The following IFI44L variants were observed in gnomAD, a reference collection of about 807,000 sequenced individuals.
IFI44L encodes the protein interferon induced protein 44 like.
IFI44L carries 40 observed loss-of-function variants against 39.3 expected under a neutral mutation model. The ratio of observed to expected loss-of-function variants is 1.02; its 90% confidence interval spans 0.79 to 1.33. IFI44L has a LOEUF of 1.33. IFI44L is among the 40% of genes most tolerant of loss of function. IFI44L has a pLI of 0.00. For synonymous variants in IFI44L, 198 were observed against 182.3 expected, an observed-to-expected ratio of 1.09 and a Z score of -0.69; for missense variants, 623 against 549.0, an observed-to-expected ratio of 1.13 and a Z score of -1.35.
chr1:78,643,447 T>A lies in IFI44L; in HGVS notation c.*1638T>A, dbSNP rs1008829343. The A allele has an allele frequency of 6.6e-6, 1 of 152,014 alleles. No individual in the cohort carries two copies. The highest frequency in any genetic ancestry group is 6.6e-5 in the Admixed American group (1 of 15,240). The allele number at this position is 152,014 out of a possible 1,614,324, so 9.4% of individuals were successfully genotyped here. ...TTGCAGTAGAGAAAGAGTTTAATAATTGAATGGCAGAAAAATGAGGAAGGT... is the reference window on the plus strand; with the variant it reads ...TTGCAGTAGAGAAAGAGTTTAATAAATGAATGGCAGAAAAATGAGGAAGGT... On this transcript the variant is annotated 3_prime_UTR_variant, in exon 9 of 9. Coordinates refer to ENST00000370751, the MANE Select transcript of IFI44L (RefSeq NM_006820.4).
intron 1 of IFI44L, among the ~76,000 whole-genome samples, chr1:78,621,214 CTT>C (rs1055655052): frequency 6.6e-6 from 1 of 152,108 alleles, no homozygotes; most frequent in African/African-American, 2.4e-5. Context: ...GAATAGTTTT[CTT>C]TTACTTAAAT....
chr1:78,628,120 T>C lies in IFI44L; in HGVS notation c.205T>C (p.Tyr69His), dbSNP rs1323124678. The C allele has an allele frequency of 6.2e-7, 1 of 1,612,208 alleles. No homozygotes were observed. Among genetic ancestry groups the C allele is most frequent in the Non-Finnish European group, 8.5e-7 (1 of 1,179,206 alleles). Residue 69 changes from tyrosine (Y) to histidine (H), a missense_variant, in exon 2 of 9, where the codon TAT (tyrosine) becomes CAT (histidine). By Grantham distance (83) the Tyr-to-His change is moderately conservative. Coordinates refer to ENST00000370751, the MANE Select transcript of IFI44L (RefSeq NM_006820.4). Reference protein sequence around the residue: ...NMIVAFMLGNYINLHESSTEP... With the variant: ...NMIVAFMLGNHINLHESSTEP... ...GATTGTAGCCTTTATGCTTGGAAAT[T>C]ATATTAATTTACATGAAAGTTCTAC...
rs1375683817 is a variant in IFI44L at position 78,625,672 on chromosome 1, T to C, written c.-10-2234T>C. On this transcript the variant is annotated intron_variant, in intron 1 of 8. Coordinates refer to ENST00000370751, the MANE Select transcript of IFI44L (RefSeq NM_006820.4). Reference sequence around the variant, plus strand: ...TTCTTGCTTTTATTTTTATTGTTGATTTCTTTCTACTTACTTTGAGTTTAA... The same window carrying C: ...TTCTTGCTTTTATTTTTATTGTTGACTTCTTTCTACTTACTTTGAGTTTAA... The C allele has an allele frequency of 2.6e-5, 4 of 152,054 alleles. No individual in the cohort carries two copies. The South Asian group carries it at 6.2e-4, about 24-fold the overall frequency. The allele number at this position is 152,054 out of a possible 1,614,324, so 9.4% of individuals were successfully genotyped here.
Position 78,644,116 on chromosome 1 carries a change from A to G in IFI44L, c.*2307A>G, listed in dbSNP as rs1326980969. ...AGCCATGACCATTGTTGGTTGGGAG[A>G]CTGAAGGTGATTGAAGGTTCACCAT... On this transcript the variant is annotated 3_prime_UTR_variant, in exon 9 of 9. Transcript: ENST00000370751. The G allele has an allele frequency of 6.6e-6, 1 of 152,118 alleles. No homozygotes were observed. Among genetic ancestry groups the G allele is most frequent in the Non-Finnish European group, 1.5e-5 (1 of 68,014 alleles). 9.4% of individuals were successfully genotyped at this position (152,118 alleles called of 1,614,324 possible).
At chr1:78,629,541 G>C in intron 3 of IFI44L, 179 bp from the exon 4 acceptor site, 1 of 464,294 alleles carries the variant, frequency 2.2e-6, no homozygotes, top group Non-Finnish European at 3.7e-6. Context: ...AGCACAAAAT[G>C]TATAACTTTA....
intron 1 of IFI44L, chr1:78,626,658 C>T (rs1055632275): frequency 6.6e-6 from 1 of 151,938 alleles, no homozygotes; most frequent in Admixed American, 6.6e-5. Flanking sequence ...CATACTTCTT[C>T]CCTGTACCTC....
intron 1 of IFI44L, chr1:78,626,619 T>C (rs935181263): frequency 4.6e-5 from 7 of 152,080 alleles, no homozygotes; most frequent in African/African-American, 1.7e-4. Context: ...AATACTGAAG[T>C]ATGAAATTAA....
At chr1:78,627,064 C>T (rs1350846339) in intron 1 of IFI44L, 1 of 151,998 alleles carries the variant, frequency 6.6e-6, no homozygotes, top group Non-Finnish European at 1.5e-5. Flanking sequence ...ATCTAGCAAA[C>T]ACTTTGCTTA....
chr1:78,637,722 C>T (rs1653003625), intron 6 of IFI44L, among the ~76,000 whole-genome samples: 1 of 152,032 alleles, frequency 6.6e-6, no homozygotes, highest in Non-Finnish European at 1.5e-5. Flanking sequence ...TACAGTATGT[C>T]ACCTTTTGAG....
intron 1 of IFI44L, chr1:78,621,021 A>G (rs2100464715): frequency 6.6e-6 from 1 of 152,296 alleles, no homozygotes; most frequent in South Asian, 2.1e-4. Flanking sequence ...TGAAGAAAAA[A>G]GCTTGCTTTC....
chr1:78,623,527 TA>T (rs966686472), intron 1 of IFI44L, among the ~76,000 whole-genome samples: 1 of 148,188 alleles, frequency 6.7e-6, no homozygotes, highest in Non-Finnish European at 1.5e-5. Context: ...TGAACCAACA[TA>T]AAAAAAATAA....
intron 4 of IFI44L, among the ~76,000 whole-genome samples, chr1:78,630,778 A>G (rs1245047030): frequency 6.6e-6 from 1 of 152,142 alleles, no homozygotes; most frequent in Admixed American, 6.6e-5. Flanking sequence ...ATCACATCTT[A>G]TTTGTTGATG....
chr1:78,640,013 C>T (rs1405295710), intron 6 of IFI44L, among the ~76,000 whole-genome samples: 12 of 152,070 alleles, frequency 7.9e-5, no homozygotes, highest in Admixed American at 7.9e-4. Context: ...ACTTAATAAA[C>T]TGTCTAACAA....
chr1:78,631,942 T>A (rs1285210639), intron 4 of IFI44L, among the ~76,000 whole-genome samples: 1 of 152,108 alleles, frequency 6.6e-6, no homozygotes, highest in Non-Finnish European at 1.5e-5. Flanking sequence ...GGAAAAAAAA[T>A]GCCAGTTTTA....
Position 78,641,625 on chromosome 1 carries a change from T to A in IFI44L, c.1324+16T>A. ...GAGGAAACTGGTAATCTGGCCCTTT[T>A]CTCCCCCTGTCATAGATCACTGGTG... On this transcript the variant is annotated intron_variant, in intron 8 of 8. Coordinates refer to ENST00000370751, the MANE Select transcript of IFI44L (RefSeq NM_006820.4). The A allele has an allele frequency of 6.2e-7, 1 of 1,612,740 alleles. No individual in the cohort carries two copies. Among genetic ancestry groups the A allele is most frequent in the South Asian group, 1.1e-5 (1 of 91,050 alleles).
chr1:78,635,641 A>G (rs1652923246), intron 5 of IFI44L, 152 bp downstream of exon 5: 1 of 667,102 alleles, frequency 1.5e-6, no homozygotes, highest in Non-Finnish European at 2.5e-6. Flanking sequence ...AATTCATATG[A>G]AAAAGTAGAG....
chr1:78,629,853 T>G lies in IFI44L; in HGVS notation c.661T>G (p.Phe221Val). 1 of 1,613,824 alleles carries G rather than the reference T, an allele frequency of 6.2e-7. No homozygotes were observed. Among genetic ancestry groups the G allele is most frequent in the Non-Finnish European group, 8.5e-7 (1 of 1,179,828 alleles). Residue 221 changes from phenylalanine to valine, a missense_variant, in exon 4 of 9, where the codon TTT (phenylalanine) becomes GTT (valine). By Grantham distance (50) the Phe-to-Val change is conservative. Coordinates refer to ENST00000370751, the MANE Select transcript of IFI44L (RefSeq NM_006820.4). ...SSFFNSVKSI[F>V]HGHVTGQAVV... is the part of the protein sequence containing the mutation. ...TTTTTTCAATTCAGTCAAGTCTATT[T>G]TTCATGGCCATGTGACTGGCCAAGC...
rs572668856 is a variant in IFI44L, at chr1:78,621,182, A to G, written c.-11+611A>G. Among the ~76,000 whole-genome samples the G allele has an allele frequency of 2.6e-5, 4 of 152,362 alleles. No homozygotes were observed. The South Asian group carries it at 8.3e-4, about 32-fold the overall frequency. ...CTGATATAGTTTTATCCAATTTTAA[A>G]AATGATTTGCTTTTTAAATTAGAAT... On this transcript the variant is annotated intron_variant, in intron 1 of 8. Coordinates refer to ENST00000370751, the MANE Select transcript of IFI44L (RefSeq NM_006820.4).
chr1:78,636,939 C>A, intron 5 of IFI44L, 93 bp from the exon 6 acceptor site: 1 of 871,698 alleles, frequency 1.1e-6, no homozygotes, highest in Non-Finnish European at 1.8e-6. Flanking sequence ...AGAGGGAGAT[C>A]AGTAGTTACA....
Sources: allele counts gnomAD v4.1 joint callset (sites outside exome capture counted in the v4.1 genomes callset), GRCh38; gene constraint gnomAD v4.1.1; transcripts MANE v1.5; gene names NCBI Gene and HGNC (gene_info 2026-07-23, HGNC 2026-07-21).